Variants in LRCH2 observed in about 807,000 individuals in gnomAD.
The protein encoded by LRCH2 is leucine-rich repeat and calponin homology domain-containing protein 2.
In LRCH2, 38 loss-of-function variants were observed where a neutral mutation model predicts 68.9. The observed-to-expected ratio is 0.55, with a 90% CI of 0.43 to 0.72. The LOEUF is 0.72. Ranked by LOEUF, LRCH2 falls within the 30% of genes least tolerant of loss-of-function variation. LRCH2 has a pLI of 0.00. For synonymous variants in LRCH2, 191 were observed against 208.1 expected (o/e 0.92, Z 0.71); for missense variants, 528 against 572.9 (o/e 0.92, Z 0.80).
At chrX:115,135,367 G>A (rs1223931107) in intron 14 of LRCH2, among the ~76,000 whole-genome samples, 1 of 109,818 alleles carries the variant, frequency 9.1e-6, no homozygotes, top group Non-Finnish European at 1.9e-5. Flanking sequence ...GAGCTCAAGG[G>A]ATCCACCTAC....
chrX:115,166,028 T>C lies in LRCH2; in HGVS notation c.1087-76A>G, dbSNP rs2072556871. 4 of 774,147 alleles carry C rather than the reference T, an allele frequency of 5.2e-6. No homozygotes were observed. In the South Asian group the frequency reaches 7.4e-5, roughly 14 times the overall value. The allele number at this position is 774,147 out of a possible 1,213,427, so 63.8% of individuals were successfully genotyped here. A position where few individuals can be genotyped will look rare whatever the true frequency, so the allele number is the denominator to read the frequency against. ...TGGATTATGTTACTTCAATTTTACA[T>C]ATGAATTACAGAATGTCTGCTTTAC... On this transcript the variant is annotated intron_variant, in intron 7 of 20. Coordinates refer to ENST00000317135, the MANE Select transcript of LRCH2 (RefSeq NM_020871.4).
Position 115,119,176 on chromosome X carries a change from A to C in LRCH2, c.2178+3351T>G, listed in dbSNP as rs1301916892. Among the ~76,000 whole-genome samples the C allele has an allele frequency of 3.6e-5, 4 of 110,004 alleles. No individual in the cohort carries two copies. In the East Asian group the frequency reaches 1.1e-3, roughly 32 times the overall value. On this transcript the variant is annotated intron_variant, in intron 20 of 20. Coordinates refer to ENST00000317135, the MANE Select transcript of LRCH2 (RefSeq NM_020871.4). ...GTTGGAAGTTCTGGCCAGGGCAATT[A>C]GGCAGGAGAAGGAAATAAAGGGTAT...
intron 1 of LRCH2, among the ~76,000 whole-genome samples, chrX:115,222,392 C>T (rs2073091402): frequency 8.9e-6 from 1 of 111,833 alleles, no homozygotes; most frequent in African/African-American, 3.2e-5. Flanking sequence ...ATTATTGAAA[C>T]TAGAAGTTCT....
At chrX:115,229,310 C>T (rs2073138733) in intron 1 of LRCH2, among the ~76,000 whole-genome samples, 1 of 111,550 alleles carries the variant, frequency 9.0e-6, no homozygotes, top group Non-Finnish European at 1.9e-5. Flanking sequence ...CTGACCCACA[C>T]ACTCTGCCAG....
intron 16 of LRCH2, among the ~76,000 whole-genome samples, chrX:115,125,494 T>C (rs1331234289): frequency 0.39 from 44 of 113 alleles, 13 homozygotes; most frequent in Non-Finnish European, 0.55. Flanking sequence ...TATATATATA[T>C]ATATATATAT....
chrX:115,210,513 A>T (rs1304117346), intron 1 of LRCH2, among the ~76,000 whole-genome samples: 2 of 112,403 alleles, frequency 1.8e-5, no homozygotes, highest in Non-Finnish European at 3.8e-5. Flanking sequence ...TCCAGGCAGA[A>T]CTTTGCTGCA....
intron 2 of LRCH2, among the ~76,000 whole-genome samples, chrX:115,185,124 T>A (rs2072722018): frequency 8.9e-6 from 1 of 112,373 alleles, no homozygotes; most frequent in Admixed American, 9.5e-5. Flanking sequence ...CAGCTCAAAG[T>A]TGATAAAACA....
At chrX:115,152,421 A>G (rs868947869) in intron 12 of LRCH2, among the ~76,000 whole-genome samples, 1 of 110,705 alleles carries the variant, frequency 9.0e-6, no homozygotes, top group Non-Finnish European at 1.9e-5. Context: ...AAGCTAAAGG[A>G]AAAGACTGAA....
chrX:115,149,394 G>T (rs2072414212), intron 14 of LRCH2, among the ~76,000 whole-genome samples: 1 of 110,980 alleles, frequency 9.0e-6, no homozygotes, highest in Non-Finnish European at 1.9e-5. Context: ...GTAACAAGAA[G>T]AAAAAAATGG....
chrX:115,171,918 T>A (rs6644206), intron 5 of LRCH2, among the ~76,000 whole-genome samples: 8,511 of 109,893 alleles, frequency 0.077, 318 homozygotes, highest in Non-Finnish European at 0.11. Flanking sequence ...TGGGTTCAAG[T>A]GATCCTCCCA....
chrX:115,122,807 T>C lies in LRCH2; in HGVS notation c.2053A>G (p.Ile685Val), dbSNP rs367994245. 31 of 1,208,828 alleles carry C rather than the reference T, an allele frequency of 2.6e-5. No individual in the cohort carries two copies. The highest frequency in any genetic ancestry group is 3.2e-5 in the Non-Finnish European group (29 of 894,436). The change falls in exon 19 of 21, where the codon ATA becomes GTA. Residue 685 changes from isoleucine (I) to valine (V), a missense_variant. By Grantham distance (29) the Ile-to-Val change is conservative. Transcript: ENST00000317135. ...ATACTAGCAACAGAACGTGGCCTTA[T>C]ATGATTGGCTAAATGGCAAAGAACA... is the stretch of plus-strand genomic sequence containing the variant. ...GVVLCHLANH[I>V]RPRSVASIHV...
At chrX:115,170,234 TAAGTATATTTC>T (rs1342510227) in intron 6 of LRCH2, 54 bp downstream of exon 6, 9 of 1,020,814 alleles carry the variant, frequency 8.8e-6, no homozygotes, top group Non-Finnish European at 1.2e-5. Context: ...TCAAGATTAA[TAAGTATATTTC>T]ATAAAAAGAG....
In LRCH2 at chrX:115,112,588, T is replaced by C. The variant is rs940233281; in HGVS notation, c.*628A>G. 8.1e-5 allele frequency: 9 copies of C among 111,654 alleles called. No homozygotes were observed. The highest frequency in any genetic ancestry group is 2.0e-4 in the African/African-American group (6 of 30,740). 9.2% of individuals were successfully genotyped at this position (111,654 alleles called of 1,213,427 possible). A position where few individuals can be genotyped will look rare whatever the true frequency, so the allele number is the denominator to read the frequency against. On this transcript the variant is annotated 3_prime_UTR_variant, in exon 21 of 21. Transcript: ENST00000317135. ...TGACTCTATTAATACATTTAAAAAATTGCAAAAATGCTTAAGACTATGTAA... is the reference window on the plus strand; with the variant it reads ...TGACTCTATTAATACATTTAAAAAACTGCAAAAATGCTTAAGACTATGTAA...
chrX:115,163,636 T>C (rs2072536428), intron 11 of LRCH2, 40 bp downstream of exon 11: 2 of 953,030 alleles, frequency 2.1e-6, no homozygotes, highest in Non-Finnish European at 2.9e-6. Context: ...TTAATGATTA[T>C]AAAATTTGCC....
In LRCH2 at chrX:115,188,385, G is replaced by A. The variant is rs1490309452; in HGVS notation, c.350-15C>T. The A allele has an allele frequency of 6.2e-5, 70 of 1,129,969 alleles. 1 individual carries two copies. In the Admixed American group the frequency reaches 1.8e-3, roughly 29 times the overall value. The allele number at this position is 1,129,969 out of a possible 1,213,427, so 93.1% of individuals were successfully genotyped here. ...TCTGGAAAGATCTGAAAAGAAAATA[G>A]TGAGTATTAAACATATACCTATATC... On this transcript the variant is annotated splice_polypyrimidine_tract_variant and intron_variant, in intron 1 of 20. Coordinates refer to ENST00000317135, the MANE Select transcript of LRCH2 (RefSeq NM_020871.4).
chrX:115,158,424 G>C (rs1556540363), intron 11 of LRCH2, among the ~76,000 whole-genome samples: 1 of 111,982 alleles, frequency 8.9e-6, no homozygotes, highest in African/African-American at 3.2e-5. Context: ...TAACAAGCTA[G>C]AGGTTAACAT....
At chrX:115,123,015 C>T in intron 18 of LRCH2, 65 bp downstream of exon 18, 7 of 1,110,165 alleles carry the variant, frequency 6.3e-6, no homozygotes, top group Non-Finnish European at 8.6e-6. Context: ...AATCTGTACG[C>T]CTTATTAATT....
chrX:115,182,961 G>GA (rs1435933032), intron 3 of LRCH2, among the ~76,000 whole-genome samples: 1 of 109,950 alleles, frequency 9.1e-6, no homozygotes, highest in African/African-American at 3.3e-5. Context: ...AGGCCCAATG[G>GA]AAAAAAATGA....
At chrX:115,192,005 A>G (rs2147332705) in intron 1 of LRCH2, 1 of 1,166,308 alleles carries the variant, frequency 8.6e-7, no homozygotes, top group East Asian at 3.3e-5. Context: ...AGCCACCGCT[A>G]TGGAGGAGGA....
Sources: allele counts gnomAD v4.1 joint callset (sites outside exome capture counted in the v4.1 genomes callset), GRCh38; gene constraint gnomAD v4.1.1; transcripts MANE v1.5; gene names NCBI Gene and HGNC (gene_info 2026-07-23, HGNC 2026-07-21).